HRH2: variants seen among roughly 807,000 people sequenced by gnomAD.
The protein encoded by HRH2 is histamine H2 receptor.
In HRH2, 4 loss-of-function variants were observed where a neutral mutation model predicts 20.1. That is an observed-to-expected ratio of 0.20 (90% confidence interval 0.10 to 0.45). The LOEUF is 0.45. Among genes scored for constraint, HRH2 ranks in the 20% least tolerant of loss-of-function variants. The pLI is 0.99. For synonymous variants in HRH2, 197 were observed against 200.7 expected (o/e 0.98, Z 0.16); for missense variants, 250 against 461.6 (o/e 0.54, Z 4.20).
chr5:175,676,625 A>C (rs1487978159), intron 1 of HRH2, among the ~76,000 whole-genome samples: 1 of 152,266 alleles, frequency 6.6e-6, no homozygotes. Flanking sequence ...ATAGAGTACA[A>C]GTGCAATTAT....
intron 2 of HRH2, among the ~76,000 whole-genome samples, chr5:175,698,140 C>T (rs17065336): frequency 0.057 from 8,725 of 152,332 alleles, 758 homozygotes; most frequent in African/African-American, 0.18. Context: ...GACCTGCACA[C>T]GCTCGCTTAC....
At chr5:175,663,480 A>T (rs1398986979) in intron 1 of HRH2, among the ~76,000 whole-genome samples, 3 of 152,216 alleles carry the variant, frequency 2.0e-5, no homozygotes, top group African/African-American at 7.2e-5. Flanking sequence ...TATTCAGATC[A>T]GAGTCACCTT....
chr5:175,668,677 G>T (rs765486922), intron 1 of HRH2, among the ~76,000 whole-genome samples: 1 of 152,154 alleles, frequency 6.6e-6, no homozygotes, highest in Non-Finnish European at 1.5e-5. Flanking sequence ...GGCCGGCTAG[G>T]AGGAAGGGCC....
intron 2 of HRH2, among the ~76,000 whole-genome samples, chr5:175,694,074 G>T (rs75996853): frequency 0.049 from 7,451 of 152,146 alleles, 634 homozygotes; most frequent in African/African-American, 0.17. Context: ...ATCATTCCAG[G>T]GCCTCCCTCC....
intron 1 of HRH2, among the ~76,000 whole-genome samples, chr5:175,660,446 G>T (rs1006439451): frequency 6.6e-6 from 1 of 152,170 alleles, no homozygotes; most frequent in Non-Finnish European, 1.5e-5. Flanking sequence ...AACATGTTTT[G>T]CATTGGCATA....
chr5:175,661,055 A>G, intron 1 of HRH2, among the ~76,000 whole-genome samples: 1 of 55,574 alleles, frequency 1.8e-5, no homozygotes, highest in South Asian at 6.2e-4. Flanking sequence ...TGGTCCACCT[A>G]CAACAATCCA....
At chr5:175,703,154 T>C (rs1756843212) in intron 2 of HRH2, among the ~76,000 whole-genome samples, 1 of 152,208 alleles carries the variant, frequency 6.6e-6, no homozygotes, top group Non-Finnish European at 1.5e-5. Flanking sequence ...TACCTATTCC[T>C]TTCAGGCACA....
intron 1 of HRH2, among the ~76,000 whole-genome samples, chr5:175,665,761 G>A (rs1051728138): frequency 3.3e-5 from 5 of 152,156 alleles, no homozygotes; most frequent in African/African-American, 7.2e-5. Context: ...CTCTCAAAGC[G>A]ATTATAAAAT....
At chr5:175,666,714 G>A (rs1005803450) in intron 1 of HRH2, among the ~76,000 whole-genome samples, 3 of 152,178 alleles carry the variant, frequency 2.0e-5, no homozygotes, top group African/African-American at 4.8e-5. Context: ...ACAGACATGA[G>A]CCACTGCGCC....
rs546132759 is a variant in HRH2, at chr5:175,693,305, G to A, written c.1076+8996G>A. Among the ~76,000 whole-genome samples, 2 of 152,272 alleles carry A rather than the reference G, an allele frequency of 1.3e-5. No homozygotes were observed. Among genetic ancestry groups the A allele is most frequent in the African/African-American group, 4.8e-5 (2 of 41,550 alleles). ...GTGCACAGCCCTTGAGGCTCTCCTG[G>A]GGCATAAGGACCATTCCCTCCCCAC... On this transcript the variant is annotated intron_variant, in intron 2 of 2. Transcript: ENST00000636584. This position sits in a 1 kb window ranked among gnomAD's most constrained non-coding sequence, Gnocchi z 4.4.
At chr5:175,704,809 C>T (rs1756894303) in intron 2 of HRH2, among the ~76,000 whole-genome samples, 1 of 151,766 alleles carries the variant, frequency 6.6e-6, no homozygotes, top group Non-Finnish European at 1.5e-5. Context: ...GAAAATTAGA[C>T]ATTGAAGAAG....
chr5:175,663,614 A>G (rs1279136999), intron 1 of HRH2, among the ~76,000 whole-genome samples: 1 of 152,186 alleles, frequency 6.6e-6, no homozygotes, highest in Non-Finnish European at 1.5e-5. Context: ...GGCTCTAGCC[A>G]AAGCCTCAAA....
At position 175,693,277 on chromosome 5, in the gene HRH2, G is replaced by A. The variant is rs1282211694; in HGVS notation, c.1076+8968G>A. Among the ~76,000 whole-genome samples, 1 of 152,054 alleles carries A rather than the reference G, an allele frequency of 6.6e-6. No individual in the cohort carries two copies. The highest frequency in any genetic ancestry group is 2.4e-5 in the African/African-American group (1 of 41,344). ...GGAAGGGGGTGTGCCTGCATTGCAG[G>A]GTGTGCACAGCCCTTGAGGCTCTCC... On this transcript the variant is annotated intron_variant, in intron 2 of 2. Coordinates refer to ENST00000636584, the MANE Select transcript of HRH2 (RefSeq NM_001367711.1). The surrounding 1 kb of genome is among the most constrained non-coding windows in gnomAD (Gnocchi z 4.4).
chr5:175,683,204 G>C lies in HRH2; in HGVS notation c.-30G>C. ...CAGAGAAGAAGCAACCAGGGGCCCT[G>C]ATCAGGGGACTGAGCCGTAGAGTCC... is the stretch of plus-strand genomic sequence containing the variant. On this transcript the variant is annotated 5_prime_UTR_variant, in exon 2 of 3. Coordinates refer to ENST00000636584, the MANE Select transcript of HRH2 (RefSeq NM_001367711.1). 6.3e-7 allele frequency: 1 copy of C among 1,595,968 alleles called. No homozygotes were observed. The highest frequency in any genetic ancestry group is 8.6e-7 in the Non-Finnish European group (1 of 1,168,438).
At chr5:175,701,933 C>A (rs1473560138) in intron 2 of HRH2, among the ~76,000 whole-genome samples, 1 of 152,112 alleles carries the variant, frequency 6.6e-6, no homozygotes, top group East Asian at 1.9e-4. Flanking sequence ...GCCGTGGGAC[C>A]GTGAAGGGGG....
chr5:175,710,020 C>A lies in HRH2; in HGVS notation c.*2049C>A, dbSNP rs1161799353. ...GCTGTTTCCGTGAGGAAAGGCTCCT[C>A]CTGCTCATTTTAGTGCCCTGAAATG... is the stretch of plus-strand genomic sequence containing the variant. On this transcript the variant is annotated 3_prime_UTR_variant, in exon 3 of 3. Coordinates refer to ENST00000636584, the MANE Select transcript of HRH2 (RefSeq NM_001367711.1). 1 of 152,422 alleles carries A rather than the reference C, an allele frequency of 6.6e-6. No homozygotes were observed. Among genetic ancestry groups the A allele is most frequent in the Admixed American group, 6.5e-5 (1 of 15,288 alleles). The allele number at this position is 152,422 out of a possible 1,614,324, so 9.4% of individuals were successfully genotyped here.
At chr5:175,670,608 T>G (rs1490944649) in intron 1 of HRH2, among the ~76,000 whole-genome samples, 1 of 152,184 alleles carries the variant, frequency 6.6e-6, no homozygotes, top group African/African-American at 2.4e-5. Context: ...TAATAGATGA[T>G]TCAGAAATCC....
rs1287107308 is a variant in HRH2 at position 175,683,494 on chromosome 5, C to G, written c.261C>G (p.Gly87=). Residue 87 remains glycine, a synonymous_variant, in exon 2 of 3, where the codon GGC becomes GGG. Transcript: ENST00000636584. The part of the protein sequence containing the change: ...IYQLSCKWSF[G]KVFCNIYTSL... ...AGCTGTCCTGCAAGTGGAGCTTTGG[C>G]AAGGTCTTCTGCAATATCTACACCA... is the stretch of plus-strand genomic sequence containing the variant. The G allele has an allele frequency of 6.2e-7, 1 of 1,613,928 alleles. No individual in the cohort carries two copies.
Position 175,683,161 on chromosome 5 carries a change from T to A in HRH2, c.-73T>A. 1 of 1,469,132 alleles carries A rather than the reference T, an allele frequency of 6.8e-7. No individual in the cohort carries two copies. The highest frequency in any genetic ancestry group is 9.2e-7 in the Non-Finnish European group (1 of 1,089,882). 91.0% of individuals were successfully genotyped at this position (1,469,132 alleles called of 1,614,324 possible). ...GGAGCTTGGAGTCCAGTGGTTGGCA[T>A]AGTTGTCACATTGGGAGCAGAGAAG... On this transcript the variant is annotated 5_prime_UTR_variant, in exon 2 of 3. Transcript: ENST00000636584.
Sources: gnomAD v4.1 joint callset for allele counts (sites outside exome capture counted in the v4.1 genomes callset) on GRCh38, gnomAD v4.1.1 for gene constraint, Gnocchi (gnomAD v3.1) non-coding constraint, MANE v1.5 for transcripts, NCBI Gene and HGNC (gene_info 2026-07-23, HGNC 2026-07-21) for gene names.